The following C20orf203 variants were observed in gnomAD, a reference collection of about 807,000 sequenced individuals.
C20orf203 encodes chromosome 20 open reading frame 203, also known as uncharacterized protein C20orf203.
In C20orf203, 16 loss-of-function variants were observed where a neutral mutation model predicts 15.9. The ratio of observed to expected loss-of-function variants is 1.01; its 90% CI spans 0.68 to 1.53. The LOEUF (loss-of-function observed/expected upper bound fraction) is 1.53, where lower values mean the gene tolerates loss of function less well. C20orf203 is among the 40% of genes most tolerant of loss of function. C20orf203 has a pLI of 0.00. For synonymous variants in C20orf203, 98 were observed against 97.2 expected (o/e 1.01, Z -0.05); for missense variants, 263 against 247.5 (o/e 1.06, Z -0.42).
chr20:32,635,103 G>A (rs896023771), intron 5 of C20orf203, among the ~76,000 whole-genome samples: 2 of 152,076 alleles, frequency 1.3e-5, no homozygotes, highest in African/African-American at 2.4e-5. Context: ...AGGAGGCTGA[G>A]GCAGGAGAAT....
intron 5 of C20orf203, among the ~76,000 whole-genome samples, chr20:32,638,043 A>G (rs1416642070): frequency 6.6e-6 from 1 of 152,104 alleles, no homozygotes; most frequent in Non-Finnish European, 1.5e-5. Context: ...TATACAAAGC[A>G]GAGTGCCCAA....
chr20:32,654,562 G>T (rs1275755134), intron 1 of C20orf203, among the ~76,000 whole-genome samples: 1 of 152,178 alleles, frequency 6.6e-6, no homozygotes, highest in African/African-American at 2.4e-5. Context: ...ATAATGGTGG[G>T]CCAGGCGTGG....
rs968484687 is a variant in C20orf203, at chr20:32,633,735, C to T, written c.*1835G>A. ...CTTGTAGAAGGTCCTTGTCTGTAAC[C>T]TGGTGGTGCCTCCTGCCTCTGACTC... On this transcript the variant is annotated 3_prime_UTR_variant, in exon 6 of 6. Coordinates refer to ENST00000608990, the MANE Select transcript of C20orf203 (RefSeq NM_182584.4). The T allele has an allele frequency of 7.3e-5, 24 of 326,768 alleles. No homozygotes were observed. Among genetic ancestry groups the T allele is most frequent in the African/African-American group, 5.1e-4 (24 of 47,182 alleles). 20.2% of individuals were successfully genotyped at this position (326,768 alleles called of 1,614,324 possible). A position where few individuals can be genotyped will look rare whatever the true frequency, so the allele number is the denominator to read the frequency against.
chr20:32,671,834 T>G (rs1182964619), intron 1 of C20orf203, among the ~76,000 whole-genome samples: 12 of 103,402 alleles, frequency 1.2e-4, no homozygotes, highest in Non-Finnish European at 2.3e-4. Context: ...AGTGAAACTC[T>G]GTCTCCAAAA....
intron 1 of C20orf203, among the ~76,000 whole-genome samples, chr20:32,652,462 GC>G (rs1398163627): frequency 6.6e-6 from 1 of 151,882 alleles, no homozygotes. Flanking sequence ...AATTTGCAAG[GC>G]AAAGGTTTTG....
intron 1 of C20orf203, among the ~76,000 whole-genome samples, chr20:32,665,553 C>A (rs984395292): frequency 2.0e-5 from 3 of 152,196 alleles, no homozygotes; most frequent in Non-Finnish European, 2.9e-5. Context: ...GAGCAAGGCG[C>A]GGTCCAGGAA....
At chr20:32,659,228 C>T (rs1181654017) in intron 1 of C20orf203, among the ~76,000 whole-genome samples, 2 of 151,604 alleles carry the variant, frequency 1.3e-5, no homozygotes, top group African/African-American at 4.9e-5. Context: ...ACAGCCGACC[C>T]CCTTGCCCCA....
intron 4 of C20orf203, among the ~76,000 whole-genome samples, chr20:32,641,998 C>T (rs1342977971): frequency 1.3e-5 from 2 of 152,018 alleles, no homozygotes; most frequent in Admixed American, 1.3e-4. Flanking sequence ...GCACACACCA[C>T]CACGCCTAAT....
chr20:32,638,533 G>A (rs185063964), intron 5 of C20orf203, among the ~76,000 whole-genome samples: 1 of 152,342 alleles, frequency 6.6e-6, no homozygotes, highest in East Asian at 1.9e-4. Flanking sequence ...CACCAGAGGA[G>A]TCTGAGGTCC....
At chr20:32,635,372 G>A (rs1179899774) in intron 5 of C20orf203, among the ~76,000 whole-genome samples, 1 of 152,014 alleles carries the variant, frequency 6.6e-6, no homozygotes, top group Non-Finnish European at 1.5e-5. Flanking sequence ...GGTGGCACAT[G>A]CCTGTAATCC....
Position 32,650,335 on chromosome 20 carries a change from A to G in C20orf203, c.*97T>C, listed in dbSNP as rs1982569437. 1 of 865,600 alleles carries G rather than the reference A, an allele frequency of 1.2e-6. No homozygotes were observed. The highest frequency in any genetic ancestry group is 1.8e-6 in the Non-Finnish European group (1 of 551,430). The allele number at this position is 865,600 out of a possible 1,614,324, so 53.6% of individuals were successfully genotyped here. ...CCCATCCCCCACTCTGGGGAGCAGA[A>G]TGATTGTGGGGGGTGGTAACAGGGG... On this transcript the variant is annotated 3_prime_UTR_variant, in exon 4 of 6. Transcript: ENST00000608990.
intron 1 of C20orf203, among the ~76,000 whole-genome samples, chr20:32,672,054 C>T (rs983810390): frequency 4.6e-5 from 7 of 152,032 alleles, no homozygotes; most frequent in African/African-American, 1.4e-4. Context: ...CAGTGGCTCA[C>T]GCCTGTAATC....
Position 32,668,033 on chromosome 20 carries a change from G to C in C20orf203, c.-264+5599C>G, listed in dbSNP as rs117212844. 3.7e-3 allele frequency among the ~76,000 whole-genome samples: 566 copies of C among 152,276 alleles called. 2 individuals are homozygous for C. The highest frequency in any genetic ancestry group is 6.4e-3 in the Non-Finnish European group (434 of 68,020). On this transcript the variant is annotated intron_variant, in intron 1 of 5. Transcript: ENST00000608990. ...GTGGTCTCTGGGGCTAGCCCGCCTGGAGTGAATCCCTGCTGCCCCTCTAAC... is the reference window on the plus strand; with the variant it reads ...GTGGTCTCTGGGGCTAGCCCGCCTGCAGTGAATCCCTGCTGCCCCTCTAAC...
chr20:32,641,803 T>A (rs569954959), intron 4 of C20orf203, among the ~76,000 whole-genome samples: 27 of 152,320 alleles, frequency 1.8e-4, no homozygotes, highest in African/African-American at 5.8e-4. Context: ...TCGCCATTTT[T>A]AAAATTGAGT....
intron 4 of C20orf203, among the ~76,000 whole-genome samples, chr20:32,644,890 T>C (rs1045661980): frequency 2.0e-5 from 3 of 151,392 alleles, no homozygotes; most frequent in Non-Finnish European, 4.4e-5. Context: ...TCTTCACAGA[T>C]GGGGGAAACT....
chr20:32,673,161 G>T (rs1412814602), intron 1 of C20orf203, among the ~76,000 whole-genome samples: 1 of 152,176 alleles, frequency 6.6e-6, no homozygotes, highest in Non-Finnish European at 1.5e-5. Context: ...GGGGGAACAA[G>T]CGACAAGCCC....
intron 1 of C20orf203, among the ~76,000 whole-genome samples, chr20:32,664,209 C>T (rs983010213): frequency 2.2e-4 from 34 of 152,306 alleles, no homozygotes; most frequent in African/African-American, 5.8e-4. Context: ...TGCTGATCTG[C>T]GCCTTAGGGA....
intron 2 of C20orf203, among the ~76,000 whole-genome samples, 181 bp from the exon 3 acceptor site, chr20:32,651,347 C>CAAA (rs35552612): frequency 1.4e-5 from 2 of 143,292 alleles, no homozygotes; most frequent in Non-Finnish European, 3.0e-5. Flanking sequence ...AAACCCTATT[C>CAAA]AAAAAAAAAA....
rs1163866097 is a variant in C20orf203, at chr20:32,633,146, C to T, written c.*2424G>A. Reference sequence around the variant, plus strand: ...AATTCAAGGTGAGATTTGGTGGGGACACAGAGTCAAACTATATCAGTGACT... The same window carrying T: ...AATTCAAGGTGAGATTTGGTGGGGATACAGAGTCAAACTATATCAGTGACT... On this transcript the variant is annotated 3_prime_UTR_variant, in exon 6 of 6. Transcript: ENST00000608990. 2 of 152,150 alleles carry T rather than the reference C, an allele frequency of 1.3e-5. No homozygotes were observed. Among genetic ancestry groups the T allele is most frequent in the Non-Finnish European group, 2.9e-5 (2 of 68,040 alleles). The allele number at this position is 152,150 out of a possible 1,614,324, so 9.4% of individuals were successfully genotyped here. A position where few individuals can be genotyped will look rare whatever the true frequency, so the allele number is the denominator to read the frequency against.
Sources: gnomAD v4.1 joint callset for allele counts (sites outside exome capture counted in the v4.1 genomes callset) on GRCh38, gnomAD v4.1.1 for gene constraint, MANE v1.5 for transcripts, NCBI Gene and HGNC (gene_info 2026-07-23, HGNC 2026-07-21) for gene names.